PTBP3: variants seen among roughly 807,000 people sequenced by gnomAD.
PTBP3 encodes the protein polypyrimidine tract binding protein 3.
In PTBP3, 20 loss-of-function variants were observed where a neutral mutation model predicts 58.7. That is an observed-to-expected ratio of 0.34 (90% CI 0.24 to 0.50). PTBP3 has a LOEUF of 0.50. Among genes scored for constraint, PTBP3 ranks in the 20% least tolerant of loss-of-function variants. The probability of loss-of-function intolerance (pLI) is 0.98; values close to 1 mark genes in which losing one functional copy is unlikely to be tolerated. For missense variants in PTBP3, 509 were observed against 637.2 expected (o/e 0.80, Z 2.17); for synonymous variants, 185 against 219.8 (o/e 0.84, Z 1.40).
the PTBP3 span, among the ~76,000 whole-genome samples, chr9:112,357,334 T>G: frequency 6.6e-6 from 1 of 151,946 alleles, no homozygotes; most frequent in Non-Finnish European, 1.5e-5. Flanking sequence ...TCTTTTTGTG[T>G]TGTTGTTGTT....
chr9:112,305,177 C>T (rs1829121295), intron 1 of PTBP3, among the ~76,000 whole-genome samples: 1 of 152,074 alleles, frequency 6.6e-6, no homozygotes, highest in South Asian at 2.1e-4. Context: ...AAAAAACTTA[C>T]CTTGTCCAAA....
chr9:112,333,856 C>G (rs934877681), upstream of PTBP3, among the ~76,000 whole-genome samples: 2 of 149,736 alleles, frequency 1.3e-5, no homozygotes, highest in African/African-American at 4.9e-5. Flanking sequence ...CCCCTCGGCC[C>G]GGCGCGCGCG....
intron 5 of PTBP3, among the ~76,000 whole-genome samples, chr9:112,254,377 A>C (rs915185040): frequency 6.6e-6 from 1 of 152,210 alleles, no homozygotes; most frequent in Non-Finnish European, 1.5e-5. Flanking sequence ...AGAATATTCT[A>C]AAGCACAGGT....
chr9:112,239,605 C>G (rs1424092473), intron 7 of PTBP3, among the ~76,000 whole-genome samples: 2 of 151,710 alleles, frequency 1.3e-5, no homozygotes, highest in African/African-American at 2.4e-5. Flanking sequence ...GTGGTATCTG[C>G]CTGTATTCCC....
At chr9:112,332,170 A>G (rs1375335301) in intron 1 of PTBP3, among the ~76,000 whole-genome samples, 1 of 152,212 alleles carries the variant, frequency 6.6e-6, no homozygotes, top group Non-Finnish European at 1.5e-5. Context: ...TGTGTACCCA[A>G]AAAAGTTATA....
At chr9:112,362,611 T>C in the PTBP3 span, 1 of 154,492 alleles carries the variant, frequency 6.5e-6, no homozygotes, top group African/African-American at 2.4e-5. Context: ...CATGAAGATT[T>C]ACCCTTATGT....
At chr9:112,253,069 T>C (rs946294528) in intron 5 of PTBP3, among the ~76,000 whole-genome samples, 1 of 152,212 alleles carries the variant, frequency 6.6e-6, no homozygotes, top group Non-Finnish European at 1.5e-5. Context: ...TGGTATGAGA[T>C]GTGTTACAAA....
chr9:112,284,805 G>C (rs1828036323), intron 2 of PTBP3, among the ~76,000 whole-genome samples: 1 of 152,006 alleles, frequency 6.6e-6, no homozygotes, highest in African/African-American at 2.4e-5. Flanking sequence ...CTTGCGTTTT[G>C]ATCACTTTCT....
chr9:112,228,593 T>G (rs1463240511), intron 10 of PTBP3, 121 bp from the exon 11 acceptor site: 5 of 571,278 alleles, frequency 8.8e-6, no homozygotes, highest in Non-Finnish European at 1.5e-5. Context: ...TACATACACC[T>G]GCAAATTTTT....
At chr9:112,298,513 CTT>C (rs1564444883) in intron 1 of PTBP3, 2 of 500,078 alleles carry the variant, frequency 4.0e-6, no homozygotes, top group South Asian at 3.0e-5. Context: ...TCAGAGAAGT[CTT>C]TTCATTGTAA....
chr9:112,276,969 G>C (rs1240261429), intron 2 of PTBP3, among the ~76,000 whole-genome samples: 3 of 152,078 alleles, frequency 2.0e-5, no homozygotes. Context: ...CCACTACTCG[G>C]AGAAAAACAT....
chr9:112,332,646 AC>A, intron 1 of PTBP3: 1 of 1,043,010 alleles, frequency 9.6e-7, no homozygotes, highest in South Asian at 2.6e-5. Flanking sequence ...GTCAAGTCCC[AC>A]CCCATATCCC....
At chr9:112,345,342 A>T in the PTBP3 span, among the ~76,000 whole-genome samples, 1 of 30,966 alleles carries the variant, frequency 3.2e-5, no homozygotes, top group Admixed American at 4.1e-4. Context: ...CCTCATCTCT[A>T]AAAAAAAAAA....
chr9:112,221,421 TAC>T lies in PTBP3; in HGVS notation c.*2428_*2429del. Reference sequence around the variant, plus strand: ...CCCCTTCCGTTATTAGCAACTTTGCTACACTTATGCTGAATGTTATGAGAATC... The same window carrying T: ...CCCCTTCCGTTATTAGCAACTTTGCTACTTATGCTGAATGTTATGAGAATC... On this transcript the variant is annotated 3_prime_UTR_variant, in exon 14 of 14. Coordinates refer to ENST00000374257, the MANE Select transcript of PTBP3 (RefSeq NM_001163788.4). 1 of 985,808 alleles carries T rather than the reference TAC, an allele frequency of 1.0e-6. No individual in the cohort carries two copies. Among genetic ancestry groups the T allele is most frequent in the Non-Finnish European group, 1.2e-6 (1 of 829,902 alleles). 61.1% of individuals were successfully genotyped at this position (985,808 alleles called of 1,614,324 possible). A position where few individuals can be genotyped will look rare whatever the true frequency, so the allele number is the denominator to read the frequency against.
the PTBP3 span, among the ~76,000 whole-genome samples, chr9:112,356,724 T>C: frequency 6.6e-6 from 1 of 151,940 alleles, no homozygotes; most frequent in Non-Finnish European, 1.5e-5. Flanking sequence ...ACCCACAGTG[T>C]ACTTTGGAGC....
At chr9:112,333,647 T>TCCCGCCACCGCCGCGCC, upstream of PTBP3, 1 of 626,924 alleles carries the variant, frequency 1.6e-6, no homozygotes, top group Non-Finnish European at 2.5e-6. Context: ...CCGGGCACGC[T>TCCCGCCACCGCCGCGCC]CCCGCCACCG....
At chr9:112,334,729 A>G (rs1046311323), upstream of PTBP3, among the ~76,000 whole-genome samples, 3 of 152,160 alleles carry the variant, frequency 2.0e-5, no homozygotes, top group African/African-American at 7.2e-5. Flanking sequence ...AAAGATCTAA[A>G]CTGTGGACTC....
chr9:112,336,001 G>A (rs1185382646), upstream of PTBP3, among the ~76,000 whole-genome samples: 1 of 151,904 alleles, frequency 6.6e-6, no homozygotes, highest in African/African-American at 2.4e-5. Flanking sequence ...AGCCTCTGGA[G>A]TAGCTGGGAT....
chr9:112,344,682 TTATC>T, the PTBP3 span, among the ~76,000 whole-genome samples: 2 of 152,162 alleles, frequency 1.3e-5, no homozygotes, highest in African/African-American at 2.4e-5. Flanking sequence ...GCTGATATGA[TTATC>T]TATGTAGAAA....
Sources: allele counts gnomAD v4.1 joint callset (sites outside exome capture counted in the v4.1 genomes callset), GRCh38; gene constraint gnomAD v4.1.1; transcripts MANE v1.5; gene names NCBI Gene and HGNC (gene_info 2026-07-23, HGNC 2026-07-21).